The following SELENON variants were observed in gnomAD, a reference collection of about 807,000 sequenced individuals.
SELENON encodes the protein selenoprotein N, 1.
Under a neutral mutation model 59.5 loss-of-function variants are expected in SELENON, and 44 were observed. The ratio of observed to expected loss-of-function variants is 0.74; its 90% CI spans 0.58 to 0.95. The LOEUF (loss-of-function observed/expected upper bound fraction) is 0.95, where lower values mean the gene tolerates loss of function less well. Among genes scored for constraint, SELENON ranks in the 40% least tolerant of loss-of-function variants. The probability of loss-of-function intolerance (pLI) is 0.00; values close to 1 mark genes in which losing one functional copy is unlikely to be tolerated. For missense variants in SELENON, 674 were observed against 721.4 expected, an observed-to-expected ratio of 0.93 and a Z score of 0.75; for synonymous variants, 320 against 305.6, an observed-to-expected ratio of 1.05 and a Z score of -0.49.
At chr1:25,812,604 C>CA (rs1339419010) in intron 9 of SELENON, 83 bp from the exon 9 acceptor site, 6 of 883,240 alleles carry the variant, frequency 6.8e-6, no homozygotes, top group East Asian at 2.6e-5. Context: ...CACACACACA[C>CA]ACTTGCACAC....
intron 6 of SELENON, 103 bp from the exon 6 acceptor site, chr1:25,809,579 AC>A: frequency 6.5e-7 from 1 of 1,533,368 alleles, no homozygotes; most frequent in Non-Finnish European, 8.9e-7. Context: ...ATCCACCTCC[AC>A]CCCCACACTC....
Position 25,800,265 on chromosome 1 carries a change from C to G in SELENON, c.35C>G (p.Pro12Arg). 1 of 951,312 alleles carries G rather than the reference C, an allele frequency of 1.1e-6. No individual in the cohort carries two copies. The highest frequency in any genetic ancestry group is 1.2e-6 in the Non-Finnish European group (1 of 801,218). The allele number at this position is 951,312 out of a possible 1,614,324, so 58.9% of individuals were successfully genotyped here. A position where few individuals can be genotyped will look rare whatever the true frequency, so the allele number is the denominator to read the frequency against. ...GCCCGGCCGGGCCAACGCGGGCCGC[C>G]CAGCCCCGGCCCCGCCGCGCAGCCT... The change falls in exon 1 of 13, where the codon CCC (proline) becomes CGC (arginine). Residue 12 changes from proline (P) to arginine (R), a missense_variant. Coordinates refer to ENST00000361547, the MANE Select transcript of SELENON (RefSeq NM_020451.3).
chr1:25,813,492 G>T, intron 10 of SELENON: 1 of 364,100 alleles, frequency 2.7e-6, no homozygotes, highest in Admixed American at 3.7e-5. Flanking sequence ...GGTCAGGGAA[G>T]GCTTTGTGAA....
Position 25,809,088 on chromosome 1 carries a change from C to G in SELENON, c.810C>G (p.Ala270=). 1 of 1,613,870 alleles carries G rather than the reference C, an allele frequency of 6.2e-7. No individual in the cohort carries two copies. Among genetic ancestry groups the G allele is most frequent in the Non-Finnish European group, 8.5e-7 (1 of 1,180,040 alleles). ...GGCCCTTTGTGAAGACCCGCTTTGCCCCTCAGGGAGCTGTGGCCTGCCTGA... is the reference window on the plus strand; with the variant it reads ...GGCCCTTTGTGAAGACCCGCTTTGCGCCTCAGGGAGCTGTGGCCTGCCTGA... The change falls in exon 6 of 13, where the codon GCC becomes GCG. Residue 270 remains alanine, a synonymous_variant. Transcript: ENST00000361547.
rs772460886 is a variant in SELENON at position 25,813,914 on chromosome 1, A to G, written c.1421A>G (p.Glu474Gly). Residue 474 changes from glutamate to glycine, a missense_variant, in exon 11 of 13, where the codon GAA (glutamate) becomes GGA (glycine). By Grantham distance (98) the Glu-to-Gly change is moderately conservative. Coordinates refer to ENST00000361547, the MANE Select transcript of SELENON (RefSeq NM_020451.3). The stretch of plus-strand genomic sequence containing the variant: ...CGGACTCTCCGGGAGACTGTCCTGG[A>G]AAGTTCGCCCATCCTCACCCTGCTC... The G allele has an allele frequency of 1.2e-5, 20 of 1,614,010 alleles. No homozygotes were observed. The highest frequency in any genetic ancestry group is 1.6e-4 in the Middle Eastern group (1 of 6,084).
At position 25,816,097 on chromosome 1, in the gene SELENON, A is replaced by G. The variant is rs2048008705; in HGVS notation, c.*379A>G. The G allele has an allele frequency of 1.1e-5, 2 of 179,774 alleles. No homozygotes were observed. The highest frequency in any genetic ancestry group is 2.3e-5 in the Non-Finnish European group (2 of 85,348). 11.1% of individuals were successfully genotyped at this position (179,774 alleles called of 1,614,324 possible). A position where few individuals can be genotyped will look rare whatever the true frequency, so the allele number is the denominator to read the frequency against. Reference sequence around the variant, plus strand: ...AGGAGCAGGCTAGGAAGACGGGGCCACCACCCTCTCCTTGCTTTCAGCCCT... The same window carrying G: ...AGGAGCAGGCTAGGAAGACGGGGCCGCCACCCTCTCCTTGCTTTCAGCCCT... On this transcript the variant is annotated 3_prime_UTR_variant, in exon 13 of 13. Coordinates refer to ENST00000361547, the MANE Select transcript of SELENON (RefSeq NM_020451.3).
intron 12 of SELENON, 80 bp from the exon 12 acceptor site, chr1:25,815,468 C>T: frequency 8.1e-7 from 1 of 1,229,982 alleles, no homozygotes; most frequent in East Asian, 2.3e-5. Flanking sequence ...AGCATCCCTG[C>T]TTCTCCCCAT....
chr1:25,814,190 C>A lies in SELENON; in HGVS notation c.1602+12C>A. On this transcript the variant is annotated intron_variant, in intron 12 of 12. Transcript: ENST00000361547. ...CCAATGGCACCGTGGTAGGCACCCC[C>A]ACTCAGACCCCACAGGGCCCAGGCA... 1.2e-6 allele frequency: 2 copies of A among 1,610,178 alleles called. No homozygotes were observed. Among genetic ancestry groups the A allele is most frequent in the Non-Finnish European group, 1.7e-6 (2 of 1,177,290 alleles).
chr1:25,815,665 A>C lies in SELENON; in HGVS notation c.1720A>C (p.Met574Leu). Residue 574 changes from methionine to leucine, a missense_variant, in exon 13 of 13, where the codon ATG becomes CTG. By Grantham distance (15) the Met-to-Leu change is conservative. Transcript: ENST00000361547. ...TGAAGACCCGTCCACGGCCACCTAC[A>C]TGCAGTTCCTGAAGGAGGGACTCCG... 6.2e-7 allele frequency: 1 copy of C among 1,614,114 alleles called. No homozygotes were observed. Among genetic ancestry groups the C allele is most frequent in the Non-Finnish European group, 8.5e-7 (1 of 1,179,986 alleles).
rs1404219787 is a variant in SELENON at position 25,807,508 on chromosome 1, A to C, written c.538-1072A>C. ...TCTGAGCAGATAAGTCCGCACAGAC[A>C]ACAAGAACTGGGGTGAGGCAGGAGC... On this transcript the variant is annotated intron_variant, in intron 4 of 12. Transcript: ENST00000361547. This position sits in a 1 kb window ranked among gnomAD's most constrained non-coding sequence, Gnocchi z 4.5. Among the ~76,000 whole-genome samples, 2 of 152,220 alleles carry C rather than the reference A, an allele frequency of 1.3e-5. No individual in the cohort carries two copies. The highest frequency in any genetic ancestry group is 6.5e-5 in the Admixed American group (1 of 15,286).
Position 25,812,703 on chromosome 1 carries a change from T to C in SELENON, c.1298T>C (p.Phe433Ser). 1 of 1,611,994 alleles carries C rather than the reference T, an allele frequency of 6.2e-7. No homozygotes were observed. The highest frequency in any genetic ancestry group is 2.2e-5 in the East Asian group (1 of 44,836). The change falls in exon 10 of 13, where the codon TTC becomes TCC. Residue 433 changes from phenylalanine (F) to serine (S), a missense_variant. Physicochemically the swap from Phe to Ser is radical, Grantham distance 155 (BLOSUM62 -2). Transcript: ENST00000361547. ...TGGCCCCAGGTCTCCTACTTGCCGT[T>C]CACTGAGGCCTTCGACCGAGCCAAG...
At chr1:25,812,631 G>T in intron 9 of SELENON, 56 bp from the exon 9 acceptor site, 1 of 1,361,334 alleles carries the variant, frequency 7.3e-7, no homozygotes. Context: ...GACTCAGCCC[G>T]AGTGGGACCC....
At position 25,809,019 on chromosome 1, in the gene SELENON, C is replaced by T. The variant is rs760108862; in HGVS notation, c.748-7C>T. On this transcript the variant is annotated splice_polypyrimidine_tract_variant and splice_region_variant and intron_variant, in intron 5 of 12. Transcript: ENST00000361547. ...GCAAGCCAGTACGTGCCTCCCGCCGCCCCCAGGTCATCATCCACCGGCTCC... is the reference window on the plus strand; with the variant it reads ...GCAAGCCAGTACGTGCCTCCCGCCGTCCCCAGGTCATCATCCACCGGCTCC... 8.1e-6 allele frequency: 13 copies of T among 1,613,442 alleles called. No homozygotes were observed. The highest frequency in any genetic ancestry group is 2.2e-5 in the East Asian group (1 of 44,894).
intron 2 of SELENON, chr1:25,801,993 C>CTTTTT: frequency 4.4e-6 from 1 of 224,886 alleles, no homozygotes; most frequent in Non-Finnish European, 9.2e-6. Context: ...GCAGCTATAA[C>CTTTTT]TTTTTTTTTT....
At chr1:25,810,686 A>G (rs2047950584) in intron 7 of SELENON, among the ~76,000 whole-genome samples, 1 of 152,090 alleles carries the variant, frequency 6.6e-6, no homozygotes. Flanking sequence ...GGAAGAGAAA[A>G]TTGCCCCTAG....
intron 7 of SELENON, 144 bp downstream of exon 6, chr1:25,809,964 C>CG (rs1557431176): frequency 9.7e-7 from 1 of 1,030,736 alleles, no homozygotes; most frequent in Non-Finnish European, 1.5e-6. Flanking sequence ...TGGCAGGAGG[C>CG]GGCATGAGGC....
intron 9 of SELENON, 90 bp from the exon 9 acceptor site, chr1:25,812,597 A>ACACACACACG (rs2047974570): frequency 6.0e-6 from 5 of 832,950 alleles, no homozygotes; most frequent in Non-Finnish European, 9.9e-6. Flanking sequence ...ACACACACAC[A>ACACACACACG]CACACACACT....
At position 25,802,106 on chromosome 1, in the gene SELENON, T is replaced by C; in HGVS notation, c.392T>C (p.Leu131Pro). The C allele has an allele frequency of 3.5e-6, 1 of 285,756 alleles. No individual in the cohort carries two copies. 17.7% of individuals were successfully genotyped at this position (285,756 alleles called of 1,614,324 possible). Reference sequence around the variant, plus strand: ...CCCTGGCTCAATTGATCCTCCTGCCTCAGCCTCCTGAGTAAGTGGGACCAC... The same window carrying C: ...CCCTGGCTCAATTGATCCTCCTGCCCCAGCCTCCTGAGTAAGTGGGACCAC... Residue 131 changes from leucine (L) to proline (P), a missense_variant, in exon 3 of 13, where the codon CTC becomes CCC. Transcript: ENST00000361547.
chr1:25,807,986 G>A lies in SELENON; in HGVS notation c.538-594G>A, dbSNP rs2047922134. Among the ~76,000 whole-genome samples the A allele has an allele frequency of 6.6e-6, 1 of 152,234 alleles. No homozygotes were observed. The highest frequency in any genetic ancestry group is 2.4e-5 in the African/African-American group (1 of 41,456). ...GGGGTGGCCTTCCTTCCCCTTCCCT[G>A]TGGTCTCATCCTGCTCTTGACCCTA... On this transcript the variant is annotated intron_variant, in intron 4 of 12. Coordinates refer to ENST00000361547, the MANE Select transcript of SELENON (RefSeq NM_020451.3). The surrounding 1 kb of genome is among the most constrained non-coding windows in gnomAD (Gnocchi z 4.5).
Sources: gnomAD v4.1 joint callset for allele counts (sites outside exome capture counted in the v4.1 genomes callset) on GRCh38, gnomAD v4.1.1 for gene constraint, Gnocchi (gnomAD v3.1) non-coding constraint, MANE v1.5 for transcripts, NCBI Gene and HGNC (gene_info 2026-07-23, HGNC 2026-07-21) for gene names.